Variants in CDK10 observed in about 807,000 individuals in gnomAD.
CDK10 encodes cyclin dependent kinase 10.
A neutral mutation model predicts 51.0 loss-of-function variants in CDK10; 55 were observed. That is an observed-to-expected ratio of 1.08 (90% CI 0.87 to 1.35). CDK10 has a LOEUF of 1.35. Ranked by LOEUF, CDK10 falls within the 40% of genes most tolerant of loss-of-function variation. CDK10 has a pLI of 0.00. For synonymous variants in CDK10, 255 were observed against 199.1 expected, an observed-to-expected ratio of 1.28 and a Z score of -2.36; for missense variants, 589 against 485.1, an observed-to-expected ratio of 1.21 and a Z score of -2.01.
At position 89,691,468 on chromosome 16, in the gene CDK10, G is replaced by C; in HGVS notation, c.258G>C (p.Glu86Asp). The change falls in exon 4 of 13, where the codon GAG (glutamate) becomes GAC (aspartate). Residue 86 changes from glutamate (E) to aspartate (D), a missense_variant. Glu to Asp is a conservative substitution (Grantham distance 45). Coordinates refer to ENST00000353379, the MANE Select transcript of CDK10 (RefSeq NM_052988.5). ...KDGIPISSLR[E>D]ITLLLRLRHP... ...GCATCCCCATCAGCAGCTTGCGGGAGATCACGCTGCTGCTCCGCCTGCGTC... is the reference window on the plus strand; with the variant it reads ...GCATCCCCATCAGCAGCTTGCGGGACATCACGCTGCTGCTCCGCCTGCGTC... The C allele has an allele frequency of 6.2e-7, 1 of 1,613,182 alleles. No homozygotes were observed. Among genetic ancestry groups the C allele is most frequent in the African/African-American group, 1.3e-5 (1 of 75,046 alleles).
chr16:89,695,894 C>A lies in CDK10; in HGVS notation c.*202C>A. On this transcript the variant is annotated 3_prime_UTR_variant, in exon 13 of 13. Transcript: ENST00000353379. Reference sequence around the variant, plus strand: ...AAAAAGGCCGGGTGACACCGGGGGGCTCCCAGCCCGTGCACCCTGGAAGGG... The same window carrying A: ...AAAAAGGCCGGGTGACACCGGGGGGATCCCAGCCCGTGCACCCTGGAAGGG... 8.1e-7 allele frequency: 1 copy of A among 1,227,848 alleles called. No individual in the cohort carries two copies. The highest frequency in any genetic ancestry group is 1.1e-6 in the Non-Finnish European group (1 of 871,760). 76.1% of individuals were successfully genotyped at this position (1,227,848 alleles called of 1,614,324 possible).
chr16:89,695,237 T>G, intron 11 of CDK10, 56 bp from the exon 12 acceptor site: 3 of 1,568,254 alleles, frequency 1.9e-6, no homozygotes, highest in Non-Finnish European at 2.6e-6. Flanking sequence ...CTCAGCTGGG[T>G]GGGAGGTGAG....
At chr16:89,690,494 G>A (rs1195988018) in intron 2 of CDK10, 59 bp from the exon 3 acceptor site, 11 of 1,486,100 alleles carry the variant, frequency 7.4e-6, no homozygotes, top group African/African-American at 2.8e-5. Context: ...CCCGTTCAGC[G>A]CTAGGGAGCC....
chr16:89,695,291 A>G lies in CDK10; in HGVS notation c.933-2A>G, dbSNP rs1222610099. The G allele has an allele frequency of 9.9e-6, 16 of 1,609,960 alleles. No homozygotes were observed. Among genetic ancestry groups the G allele is most frequent in the Non-Finnish European group, 1.2e-5 (14 of 1,177,804 alleles). On this transcript the variant is annotated splice_acceptor_variant, in intron 11 of 12. Coordinates refer to ENST00000353379, the MANE Select transcript of CDK10 (RefSeq NM_052988.5). LOFTEE classifies it high-confidence loss of function. ...CGCACTAACGCAGGCTGCCTCCTCC[A>G]GGGCGACGGCCGGGGACTGCCTGGA...
rs2060547399 is a variant in CDK10 at position 89,693,417 on chromosome 16, G to C, written c.558G>C (p.Arg186=). 6.2e-7 allele frequency: 1 copy of C among 1,614,174 alleles called. No homozygotes were observed. Among genetic ancestry groups the C allele is most frequent in the African/African-American group, 1.3e-5 (1 of 75,058 alleles). The change falls in exon 8 of 13, where the codon CGG becomes CGC. Residue 186 remains arginine (R), a synonymous_variant. Transcript: ENST00000353379. ...CTGCAGCGGATTTCGGCCTGGCCCG[G>C]GCCTATGGTGTCCCAGTAAAGCCAA... ...CVKTADFGLA[R]AYGVPVKPMT...
At chr16:89,695,105 C>T (rs1239732156) in intron 11 of CDK10, 35 bp downstream of exon 11, 3 of 1,598,768 alleles carry the variant, frequency 1.9e-6, no homozygotes, top group Non-Finnish European at 1.7e-6. Context: ...GGGACCCTCA[C>T]CACCCACACT....
At chr16:89,689,954 GA>G (rs1461132319) in intron 2 of CDK10, 2 of 152,780 alleles carry the variant, frequency 1.3e-5, no homozygotes, top group Admixed American at 6.5e-5. Context: ...AAAGCACTGG[GA>G]TTACAGGTGT....
intron 9 of CDK10, 196 bp from the exon 10 acceptor site, chr16:89,694,469 C>T (rs994838977): frequency 4.3e-5 from 43 of 997,482 alleles, no homozygotes; most frequent in Non-Finnish European, 6.4e-5. Context: ...CCTGCCCCTG[C>T]ACTTGTCACC....
chr16:89,692,391 G>A (rs1363140674), intron 5 of CDK10, 58 bp from the exon 6 acceptor site: 18 of 1,352,268 alleles, frequency 1.3e-5, no homozygotes, highest in Non-Finnish European at 1.6e-5. Flanking sequence ...GTGTGGCAGG[G>A]CCCAGCTGGG....
intron 5 of CDK10, 74 bp from the exon 6 acceptor site, chr16:89,692,375 G>T (rs755787953): frequency 8.6e-7 from 1 of 1,163,240 alleles, no homozygotes; most frequent in Non-Finnish European, 1.2e-6. Flanking sequence ...CTGCTGGCCA[G>T]TGTGGGTGTG....
At chr16:89,693,577 A>G in intron 8 of CDK10, 110 bp downstream of exon 8, 1 of 1,085,964 alleles carries the variant, frequency 9.2e-7, no homozygotes, top group Non-Finnish European at 1.4e-6. Flanking sequence ...GTTAAGCTAC[A>G]GGGTCTGTGC....
chr16:89,695,123 C>T (rs1402168789), intron 11 of CDK10, 53 bp downstream of exon 11: 5 of 1,577,040 alleles, frequency 3.2e-6, no homozygotes, highest in East Asian at 2.2e-5. Flanking sequence ...ACTGTCCAGA[C>T]CGTTTCCCAG....
intron 1 of CDK10, chr16:89,687,441 A>G (rs760560843): frequency 6.8e-5 from 31 of 455,532 alleles, no homozygotes; most frequent in Non-Finnish European, 1.1e-4. Flanking sequence ...AGTAAGAATC[A>G]TTAACAGATC....
chr16:89,690,743 G>C, intron 3 of CDK10, 119 bp downstream of exon 3: 1 of 872,178 alleles, frequency 1.1e-6, no homozygotes, highest in Non-Finnish European at 1.9e-6. Flanking sequence ...GCCTCTGGGA[G>C]GGTTCTGGTG....
In CDK10 at chr16:89,690,405, A is replaced by G. The variant is rs1383623973; in HGVS notation, c.161-148A>G. The G allele has an allele frequency of 1.6e-5, 11 of 699,488 alleles. No homozygotes were observed. In the Admixed American group the frequency reaches 2.3e-4, roughly 15 times the overall value. The allele number at this position is 699,488 out of a possible 1,614,324, so 43.3% of individuals were successfully genotyped here. On this transcript the variant is annotated intron_variant, in intron 2 of 12. Coordinates refer to ENST00000353379, the MANE Select transcript of CDK10 (RefSeq NM_052988.5). ...ACGCGTCTCGGGCTAGGGGCGTTGC[A>G]CAGAGTGGGGACTGAGTGTCACTGG... is the stretch of plus-strand genomic sequence containing the variant.
chr16:89,693,222 C>T, intron 6 of CDK10, 52 bp from the exon 7 acceptor site: 16 of 1,576,946 alleles, frequency 1.0e-5, no homozygotes, highest in Middle Eastern at 3.4e-4. Context: ...TGGGGGAGCT[C>T]TCAGCCCCTG....
chr16:89,687,634 G>A (rs1369973259), intron 1 of CDK10: 5 of 444,742 alleles, frequency 1.1e-5, no homozygotes, highest in African/African-American at 8.0e-5. Context: ...CGTGATCACG[G>A]CTCAGTGCAT....
At position 89,695,992 on chromosome 16, in the gene CDK10, C is replaced by T; in HGVS notation, c.*300C>T. 5 of 608,620 alleles carry T rather than the reference C, an allele frequency of 8.2e-6. No individual in the cohort carries two copies. The highest frequency in any genetic ancestry group is 3.9e-5 in the South Asian group (2 of 51,682). The allele number at this position is 608,620 out of a possible 1,614,324, so 37.7% of individuals were successfully genotyped here. A position where few individuals can be genotyped will look rare whatever the true frequency, so the allele number is the denominator to read the frequency against. ...CCTCGCTATGTTGGAAATGTGCAAC[C>T]ACTGCTTCTTGGGAGGAGTGGTGGG... On this transcript the variant is annotated 3_prime_UTR_variant, in exon 13 of 13. Transcript: ENST00000353379.
At chr16:89,695,204 T>C (rs1399853931) in intron 11 of CDK10, 89 bp from the exon 12 acceptor site, 1 of 1,542,664 alleles carries the variant, frequency 6.5e-7, no homozygotes, top group Non-Finnish European at 8.8e-7. Context: ...CTGGCTTCCT[T>C]TGAGCATTTG....
Sources: gnomAD v4.1 joint callset for allele counts on GRCh38, gnomAD v4.1.1 for gene constraint, MANE v1.5 for transcripts, NCBI Gene and HGNC (gene_info 2026-07-23, HGNC 2026-07-21) for gene names.